The following SLC5A1 variants were observed in gnomAD, a reference collection of about 807,000 sequenced individuals.
SLC5A1 encodes sodium/glucose cotransporter 1.
A neutral mutation model predicts 73.5 loss-of-function variants in SLC5A1; 42 were observed. The ratio of observed to expected loss-of-function variants is 0.57; its 90% CI spans 0.45 to 0.74. The LOEUF (loss-of-function observed/expected upper bound fraction) is 0.74. SLC5A1 is among the 30% of genes least tolerant of loss of function. SLC5A1 has a pLI of 0.00. For missense variants in SLC5A1, 634 were observed against 855.4 expected (o/e 0.74, Z 3.23); for synonymous variants, 300 against 317.4 (o/e 0.95, Z 0.58).
chr22:32,082,639 G>A (rs2094001794), intron 6 of SLC5A1, among the ~76,000 whole-genome samples: 1 of 152,074 alleles, frequency 6.6e-6, no homozygotes, highest in African/African-American at 2.4e-5. Context: ...GGGGTGGGAG[G>A]GATCAGCTTT....
intron 2 of SLC5A1, among the ~76,000 whole-genome samples, chr22:32,053,706 G>C (rs1423149836): frequency 6.6e-6 from 1 of 152,176 alleles, no homozygotes. Flanking sequence ...CGTATTTCTG[G>C]TTGGTAGAAG....
chr22:32,060,014 TACACACACAC>T lies in SLC5A1; in HGVS notation c.208-6891_208-6882del, dbSNP rs58053068. 1.7e-3 allele frequency among the ~76,000 whole-genome samples: 231 copies of T among 137,680 alleles called. 1 individual carries two copies. The highest frequency in any genetic ancestry group is 7.1e-3 in the Middle Eastern group (2 of 282). 90.3% of individuals were successfully genotyped at this position (137,680 alleles called of 152,430 possible). ...CTGGGCAGCACAGGGGCCATGGTTATACACACACACACACACACACACACACACACACACA... is the reference window on the plus strand; with the variant it reads ...CTGGGCAGCACAGGGGCCATGGTTATACACACACACACACACACACACACA... On this transcript the variant is annotated intron_variant, in intron 2 of 14. Transcript: ENST00000266088.
At chr22:32,103,975 G>T (rs2094040722) in intron 13 of SLC5A1, among the ~76,000 whole-genome samples, 1 of 152,168 alleles carries the variant, frequency 6.6e-6, no homozygotes, top group South Asian at 2.1e-4. Flanking sequence ...AACAGAGCCA[G>T]AAAGTTAACC....
chr22:32,055,998 G>A (rs933102780), intron 2 of SLC5A1, among the ~76,000 whole-genome samples: 6 of 152,088 alleles, frequency 3.9e-5, no homozygotes, highest in African/African-American at 1.4e-4. Context: ...CTAGCAAATG[G>A]GGCCCAGTAA....
At chr22:32,065,653 G>A (rs2093971573) in intron 2 of SLC5A1, among the ~76,000 whole-genome samples, 1 of 152,230 alleles carries the variant, frequency 6.6e-6, no homozygotes, top group East Asian at 1.9e-4. Context: ...AACACGTGTA[G>A]TAGATGCTAA....
rs372514908 is a variant in SLC5A1, at chr22:32,049,093, T to TAAATAA, written c.136-849_136-848insAATAAA. On this transcript the variant is annotated intron_variant, in intron 1 of 14. Transcript: ENST00000266088. ...TGTCTAAAATAAATAAATAAATAAATATATATATATATATATATAATCATT... is the reference window on the plus strand; with the variant it reads ...TGTCTAAAATAAATAAATAAATAAATAAATAAATATATATATATATATATAATCATT... 6.1e-3 allele frequency among the ~76,000 whole-genome samples: 714 copies of TAAATAA among 117,806 alleles called. 27 individuals carry two copies. The South Asian group carries it at 0.082, about 13-fold the overall frequency. The allele number at this position is 117,806 out of a possible 152,430, so 77.3% of individuals were successfully genotyped here.
chr22:32,050,136 T>C, intron 2 of SLC5A1, 122 bp downstream of exon 2: 1 of 866,452 alleles, frequency 1.2e-6, no homozygotes, highest in Non-Finnish European at 2.0e-6. Flanking sequence ...ACCAGATTCT[T>C]GACAGTGAGT....
intron 11 of SLC5A1, among the ~76,000 whole-genome samples, chr22:32,098,762 T>C (rs567279130): frequency 3.9e-4 from 60 of 152,166 alleles, no homozygotes; most frequent in Non-Finnish European, 7.6e-4. Flanking sequence ...TGTATATGTA[T>C]GTATGCATAT....
rs1319993775 is a variant in SLC5A1, at chr22:32,110,442, G to A, written c.*229G>A. The A allele has an allele frequency of 1.7e-6, 1 of 576,012 alleles. No individual in the cohort carries two copies. The highest frequency in any genetic ancestry group is 3.1e-6 in the Non-Finnish European group (1 of 318,838). 35.7% of individuals were successfully genotyped at this position (576,012 alleles called of 1,614,324 possible). A position where few individuals can be genotyped will look rare whatever the true frequency, so the allele number is the denominator to read the frequency against. On this transcript the variant is annotated 3_prime_UTR_variant, in exon 15 of 15. Transcript: ENST00000266088. ...TCTGTACCTACTGGAGCTGCAGAAG[G>A]GAAGTCCACTCAGTCACATCCAGAA...
At chr22:32,079,933 G>C (rs963757731) in intron 5 of SLC5A1, among the ~76,000 whole-genome samples, 5 of 152,220 alleles carry the variant, frequency 3.3e-5, no homozygotes, top group East Asian at 1.9e-4. Flanking sequence ...AGGCAGAATG[G>C]AAGCGGTCCA....
intron 5 of SLC5A1, among the ~76,000 whole-genome samples, chr22:32,072,839 T>C (rs2093984793): frequency 6.6e-6 from 1 of 152,234 alleles, no homozygotes; most frequent in Non-Finnish European, 1.5e-5. Flanking sequence ...CATTATTACC[T>C]TCCTGTCCTG....
intron 8 of SLC5A1, 111 bp from the exon 9 acceptor site, chr22:32,084,789 C>T (rs2094005427): frequency 2.6e-6 from 4 of 1,542,056 alleles, no homozygotes; most frequent in South Asian, 1.1e-5. Flanking sequence ...TGCCACGCCC[C>T]AGTGATACAG....
At chr22:32,082,351 C>T (rs1158962140) in intron 6 of SLC5A1, among the ~76,000 whole-genome samples, 5 of 152,206 alleles carry the variant, frequency 3.3e-5, no homozygotes, top group African/African-American at 1.2e-4. Flanking sequence ...AGGGTGGCCA[C>T]TGAAGGATCG....
In SLC5A1 at chr22:32,110,107, T is replaced by A. The variant is rs2094053624; in HGVS notation, c.1889T>A (p.Met630Lys). ...MTEEEEKAMK[M>K]KMTDTSEKPL... ...GAGGAAGAGGAGAAAGCCATGAAGA[T>A]GAAGATGACGGACACCTCTGAGAAG... The change falls in exon 15 of 15, where the codon ATG (methionine) becomes AAG (lysine). Residue 630 changes from methionine to lysine, a missense_variant. Physicochemically the swap from Met to Lys is moderately conservative, Grantham distance 95 (BLOSUM62 -1). This residue lies in a region of SLC5A1 where 161 missense variants were observed against 178.7 expected (regional missense o/e 0.90). Transcript: ENST00000266088. 1.9e-6 allele frequency: 3 copies of A among 1,614,162 alleles called. No homozygotes were observed. Among genetic ancestry groups the A allele is most frequent in the African/African-American group, 2.7e-5 (2 of 75,054 alleles).
At chr22:32,082,009 C>G in intron 6 of SLC5A1, 38 bp downstream of exon 6, 1 of 1,316,396 alleles carries the variant, frequency 7.6e-7, no homozygotes, top group Non-Finnish European at 1.1e-6. Context: ...TCAAACCCAG[C>G]TCGGGATCAG....
intron 13 of SLC5A1, among the ~76,000 whole-genome samples, chr22:32,103,312 T>C (rs1014187001): frequency 2.0e-5 from 3 of 152,362 alleles, no homozygotes; most frequent in Admixed American, 2.0e-4. Flanking sequence ...ATTTCTCTGA[T>C]GATTAGTGAT....
intron 10 of SLC5A1, among the ~76,000 whole-genome samples, chr22:32,086,734 C>A (rs905211046): frequency 6.6e-6 from 1 of 152,126 alleles, no homozygotes; most frequent in African/African-American, 2.4e-5. Context: ...ATCTAGTAAT[C>A]CCATGACTGG....
chr22:32,088,842 C>G (rs112257065), intron 10 of SLC5A1, among the ~76,000 whole-genome samples: 2 of 152,234 alleles, frequency 1.3e-5, no homozygotes, highest in African/African-American at 4.8e-5. Flanking sequence ...CTTTTCATTC[C>G]ATTTGCAGAT....
At chr22:32,059,560 G>A (rs1467514096) in intron 2 of SLC5A1, among the ~76,000 whole-genome samples, 2 of 152,036 alleles carry the variant, frequency 1.3e-5, no homozygotes, top group African/African-American at 4.8e-5. Context: ...AGAGTGGAGG[G>A]GACATGGCAG....
Sources: gnomAD v4.1 joint callset for allele counts (sites outside exome capture counted in the v4.1 genomes callset) on GRCh38, gnomAD v4.1.1 for gene constraint, gnomAD v4.1.1 regional missense constraint, MANE v1.5 for transcripts, NCBI Gene and HGNC (gene_info 2026-07-23, HGNC 2026-07-21) for gene names.